Variants in COL4A6 observed in about 807,000 individuals in gnomAD.
COL4A6 encodes collagen alpha-6(IV) chain.
COL4A6 carries 59 observed loss-of-function variants against 126.7 expected under a neutral mutation model. That is an observed-to-expected ratio of 0.47 (90% CI 0.38 to 0.58). COL4A6 has a LOEUF of 0.58. Ranked by LOEUF, COL4A6 falls within the 20% of genes least tolerant of loss-of-function variation. The pLI, the probability that COL4A6 is intolerant of heterozygous loss-of-function variation, is 0.00. For missense variants in COL4A6, 1,285 were observed against 1,337.3 expected, an observed-to-expected ratio of 0.96 and a Z score of 0.61; for synonymous variants, 547 against 496.6, an observed-to-expected ratio of 1.10 and a Z score of -1.35.
chrX:108,180,891 C>T lies in COL4A6; in HGVS notation c.2023+6G>A, dbSNP rs1431090807. 1 of 1,207,608 alleles carries T rather than the reference C, an allele frequency of 8.3e-7. No individual in the cohort carries two copies. The highest frequency in any genetic ancestry group is 2.2e-5 in the Admixed American group (1 of 46,052). On this transcript the variant is annotated splice_donor_region_variant and intron_variant, in intron 24 of 44. Transcript: ENST00000334504. The stretch of plus-strand genomic sequence containing the variant: ...TTTAGTGGCTTTCTCTGGCCTCATT[C>T]CATACCTGGGAATCCGGGAGTGCCT...
In COL4A6 at chrX:108,403,199, A is replaced by G. The variant is rs558734340; in HGVS notation, c.63+34743T>C. Among the ~76,000 whole-genome samples, 8 of 105,205 alleles carry G rather than the reference A, an allele frequency of 7.6e-5. No homozygotes were observed. The South Asian group carries it at 3.2e-3, about 42-fold the overall frequency. 91.4% of individuals were successfully genotyped at this position (105,205 alleles called of 115,157 possible). A position where few individuals can be genotyped will look rare whatever the true frequency, so the allele number is the denominator to read the frequency against. ...AAGATCTTTTTCTTGATGGTGTCCT[A>G]AAGTTTCACCACAATGTATCTATGC... On this transcript the variant is annotated intron_variant, in intron 2 of 44. Coordinates refer to ENST00000334504, the MANE Select transcript of COL4A6 (RefSeq NM_033641.4).
chrX:108,219,526 A>G (rs1181400378), intron 5 of COL4A6, among the ~76,000 whole-genome samples, 172 bp downstream of exon 5: 1 of 111,820 alleles, frequency 8.9e-6, no homozygotes, highest in Non-Finnish European at 1.9e-5. Flanking sequence ...CTTGTGCCTG[A>G]ATCCAAGGGC....
At chrX:108,178,992 A>T (rs2034590032) in intron 26 of COL4A6, 147 bp from the exon 27 acceptor site, 1 of 768,701 alleles carries the variant, frequency 1.3e-6, no homozygotes, top group African/African-American at 2.1e-5. Flanking sequence ...AGTCTTTGCA[A>T]GAAATTTGAC....
chrX:108,421,693 C>T (rs1455204538), intron 2 of COL4A6, among the ~76,000 whole-genome samples: 1 of 111,666 alleles, frequency 9.0e-6, no homozygotes, highest in East Asian at 2.8e-4. Context: ...CAGAAAAGTC[C>T]AGACACACAT....
intron 3 of COL4A6, among the ~76,000 whole-genome samples, chrX:108,291,052 G>A (rs1304318977): frequency 1.8e-5 from 2 of 112,138 alleles, no homozygotes; most frequent in South Asian, 3.8e-4. Context: ...TCAGTCCTGT[G>A]CAAACCAGGG....
chrX:108,214,362 G>T, intron 5 of COL4A6, 134 bp from the exon 6 acceptor site: 1 of 468,883 alleles, frequency 2.1e-6, no homozygotes, highest in African/African-American at 2.4e-5. Flanking sequence ...CATCATGTAT[G>T]TTTGCATGTC....
intron 3 of COL4A6, among the ~76,000 whole-genome samples, chrX:108,291,817 C>A (rs185235636): frequency 8.9e-6 from 1 of 111,901 alleles, no homozygotes; most frequent in East Asian, 2.8e-4. Context: ...ATAAATGGTT[C>A]TGTGGTGAGA....
At chrX:108,302,192 T>C (rs1192115077) in intron 3 of COL4A6, among the ~76,000 whole-genome samples, 1 of 111,385 alleles carries the variant, frequency 9.0e-6, no homozygotes, top group Non-Finnish European at 1.9e-5. Flanking sequence ...AATGATAATA[T>C]ATATAAAATG....
intron 24 of COL4A6, 101 bp downstream of exon 24, chrX:108,180,796 A>G: frequency 2.2e-6 from 2 of 916,211 alleles, no homozygotes; most frequent in Non-Finnish European, 1.6e-6. Context: ...TGCCCTCAGG[A>G]GGAATGTGGA....
intron 5 of COL4A6, among the ~76,000 whole-genome samples, chrX:108,219,232 G>A (rs1371775802): frequency 8.9e-6 from 1 of 112,350 alleles, no homozygotes; most frequent in Non-Finnish European, 1.9e-5. Flanking sequence ...AACTTTAAAG[G>A]AAAATTCACT....
At chrX:108,416,429 C>T (rs2148256515) in intron 2 of COL4A6, among the ~76,000 whole-genome samples, 1 of 112,182 alleles carries the variant, frequency 8.9e-6, no homozygotes, top group East Asian at 2.8e-4. Flanking sequence ...TAAAAACAGC[C>T]TGAGTGAAAT....
chrX:108,412,147 C>T (rs1423301686), intron 2 of COL4A6, among the ~76,000 whole-genome samples: 3 of 111,371 alleles, frequency 2.7e-5, no homozygotes, highest in East Asian at 2.8e-4. Flanking sequence ...GTTCTGGGAC[C>T]CATCCAAAAT....
At chrX:108,186,829 C>T (rs2034878737) in intron 23 of COL4A6, among the ~76,000 whole-genome samples, 1 of 111,063 alleles carries the variant, frequency 9.0e-6, no homozygotes, top group Non-Finnish European at 1.9e-5. Context: ...AGCTCATAAC[C>T]TCCCTCAGTA....
At position 108,320,188 on chromosome X, in the gene COL4A6, GA is replaced by G. The variant is rs1218476909; in HGVS notation, c.64-9361del. ...GGAGGTTTGTGGAGAAATAAGGTGTGACATGATCAGTTAGGAGAGCAAGGAG... is the reference window on the plus strand; with the variant it reads ...GGAGGTTTGTGGAGAAATAAGGTGTGCATGATCAGTTAGGAGAGCAAGGAG... On this transcript the variant is annotated intron_variant, in intron 2 of 44. Coordinates refer to ENST00000334504, the MANE Select transcript of COL4A6 (RefSeq NM_033641.4). Among the ~76,000 whole-genome samples the G allele has an allele frequency of 2.7e-5, 3 of 111,774 alleles. No homozygotes were observed. The East Asian group carries it at 8.4e-4, about 31-fold the overall frequency.
At chrX:108,439,216 T>A (rs992025207), upstream of COL4A6, 3 of 253,267 alleles carry the variant, frequency 1.2e-5, no homozygotes, top group Non-Finnish European at 2.2e-5. Flanking sequence ...AATTATAGGA[T>A]TCAATGCAGC....
intron 2 of COL4A6, among the ~76,000 whole-genome samples, chrX:108,375,487 T>C (rs2040414545): frequency 9.0e-6 from 1 of 111,145 alleles, no homozygotes; most frequent in Non-Finnish European, 1.9e-5. Context: ...GCTACCAACC[T>C]CTTGTTTTTA....
chrX:108,395,065 ATACT>A lies in COL4A6; in HGVS notation c.63+42873_63+42876del, dbSNP rs200799985. Among the ~76,000 whole-genome samples, 253 of 111,740 alleles carry A rather than the reference ATACT, an allele frequency of 2.3e-3. 5 individuals are homozygous for A. In the East Asian group the frequency reaches 0.059, roughly 26 times the overall value. On this transcript the variant is annotated intron_variant, in intron 2 of 44. Coordinates refer to ENST00000334504, the MANE Select transcript of COL4A6 (RefSeq NM_033641.4). ...CATATACCACTTTCTCTAGGATGGT[ATACT>A]TACATAGTATTCAGTGAAGTTTGTT...
intron 5 of COL4A6, among the ~76,000 whole-genome samples, chrX:108,219,090 G>T (rs1375997144): frequency 8.9e-6 from 1 of 112,365 alleles, no homozygotes; most frequent in African/African-American, 3.2e-5. Flanking sequence ...AAGGGATTAG[G>T]CTGGGTGGAT....
chrX:108,310,563 T>C (rs1265771854), intron 3 of COL4A6, among the ~76,000 whole-genome samples, 185 bp downstream of exon 3: 3 of 112,308 alleles, frequency 2.7e-5, no homozygotes, highest in Non-Finnish European at 5.6e-5. Flanking sequence ...TCTTGGTACC[T>C]CAGAGAGTTT....
Sources: allele counts gnomAD v4.1 joint callset (sites outside exome capture counted in the v4.1 genomes callset), GRCh38; gene constraint gnomAD v4.1.1; transcripts MANE v1.5; gene names NCBI Gene and HGNC (gene_info 2026-07-23, HGNC 2026-07-21).